CA10: variants seen among roughly 807,000 people sequenced by gnomAD.
CA10 encodes carbonic anhydrase-related protein 10.
In CA10, 14 loss-of-function variants were observed where a neutral mutation model predicts 44.2. The observed-to-expected ratio is 0.32, with a 90% CI of 0.21 to 0.50. The LOEUF (loss-of-function observed/expected upper bound fraction) is 0.50, where lower values mean the gene tolerates loss of function less well. Among genes scored for constraint, CA10 ranks in the 20% least tolerant of loss-of-function variants. The pLI is 0.99. For missense variants in CA10, 350 were observed against 409.7 expected, an observed-to-expected ratio of 0.85 and a Z score of 1.26; for synonymous variants, 159 against 141.6, an observed-to-expected ratio of 1.12 and a Z score of -0.87.
chr17:51,630,393 G>C lies in CA10; in HGVS notation c.*1191C>G, dbSNP rs1912513428. On this transcript the variant is annotated 3_prime_UTR_variant, in exon 9 of 9. Transcript: ENST00000451037. ...TGAGTGACCATTATAAACAAGAAAA[G>C]AAAGGCATTCGTTTTGTACTTTGTG... is the stretch of plus-strand genomic sequence containing the variant. The C allele has an allele frequency of 6.6e-6, 1 of 152,654 alleles. No homozygotes were observed. The highest frequency in any genetic ancestry group is 6.5e-5 in the Admixed American group (1 of 15,276). The allele number at this position is 152,654 out of a possible 1,614,324, so 9.5% of individuals were successfully genotyped here. A position where few individuals can be genotyped will look rare whatever the true frequency, so the allele number is the denominator to read the frequency against.
Position 52,025,921 on chromosome 17 carries a change from G to A in CA10, c.136+46398C>T, listed in dbSNP as rs1986286807. ...AGGATGTATTTCTATGCTTTTTTAT[G>A]TACAAAGAAATATACAAACATAGAA... On this transcript the variant is annotated intron_variant, in intron 2 of 8. Transcript: ENST00000451037. 2.0e-5 allele frequency among the ~76,000 whole-genome samples: 3 copies of A among 151,746 alleles called. No individual in the cohort carries two copies. In the South Asian group the frequency reaches 6.2e-4, roughly 31 times the overall value.
In CA10 at chr17:51,640,506, C is replaced by T. The variant is rs10491153; in HGVS notation, c.635-4497G>A. On this transcript the variant is annotated intron_variant, in intron 6 of 8. Transcript: ENST00000451037. Reference sequence around the variant, plus strand: ...CATTGCTGAGTCAGTGCGCATTTAACGTGTAATGTTTGTTTTCATGACTCA... The same window carrying T: ...CATTGCTGAGTCAGTGCGCATTTAATGTGTAATGTTTGTTTTCATGACTCA... Among the ~76,000 whole-genome samples the T allele has an allele frequency of 6.6e-3, 1,004 of 152,264 alleles. 4 individuals are homozygous for T. The highest frequency in any genetic ancestry group is 0.011 in the Non-Finnish European group (726 of 68,016).
At chr17:51,751,655 G>A (rs1405767011) in intron 3 of CA10, among the ~76,000 whole-genome samples, 2 of 152,162 alleles carry the variant, frequency 1.3e-5, no homozygotes, top group African/African-American at 4.8e-5. Flanking sequence ...CTTGCTAAAT[G>A]TCATAATGAA....
rs575194528 is a variant in CA10 at position 51,829,288 on chromosome 17, T to C, written c.280-81470A>G. ...GCTTCCCTGCAGTTTCCTCCTTTAA[T>C]TTTTAAAATGTTTGAAATCTTTACC... On this transcript the variant is annotated intron_variant, in intron 3 of 8. Transcript: ENST00000451037. Among the ~76,000 whole-genome samples, 19 of 152,328 alleles carry C rather than the reference T, an allele frequency of 1.2e-4. No individual in the cohort carries two copies. The South Asian group carries it at 2.5e-3, about 20-fold the overall frequency.
At chr17:51,805,216 C>G (rs889172694) in intron 3 of CA10, among the ~76,000 whole-genome samples, 2 of 152,194 alleles carry the variant, frequency 1.3e-5, no homozygotes, top group Admixed American at 1.3e-4. Flanking sequence ...TGTTTCTGTG[C>G]CTTAGTGAGG....
intron 1 of CA10, 101 bp downstream of exon 1, chr17:52,157,625 C>T (rs1037906249): frequency 4.8e-5 from 51 of 1,062,774 alleles, no homozygotes; most frequent in Non-Finnish European, 6.5e-5. Flanking sequence ...AGGGTCTCGC[C>T]ACCCCTCTCT....
intron 3 of CA10, among the ~76,000 whole-genome samples, chr17:51,845,472 C>T (rs1268824248): frequency 6.6e-6 from 1 of 152,182 alleles, no homozygotes; most frequent in Non-Finnish European, 1.5e-5. Flanking sequence ...GAGCCAGAAC[C>T]CCAGTGAAGC....
At chr17:51,920,233 G>A (rs755989741) in intron 3 of CA10, among the ~76,000 whole-genome samples, 5 of 152,104 alleles carry the variant, frequency 3.3e-5, no homozygotes, top group Non-Finnish European at 7.3e-5. Flanking sequence ...CATGAAAGTG[G>A]AGAACCAATT....
chr17:51,733,516 C>T (rs1916792080), intron 4 of CA10, among the ~76,000 whole-genome samples: 1 of 152,118 alleles, frequency 6.6e-6, no homozygotes. Flanking sequence ...ATATCACCCT[C>T]CAGCTAGTAA....
At chr17:51,881,028 G>C in intron 3 of CA10, among the ~76,000 whole-genome samples, 1 of 152,036 alleles carries the variant, frequency 6.6e-6, no homozygotes, top group Non-Finnish European at 1.5e-5. Context: ...ATGAGGTCAG[G>C]AGATCGAGAC....
chr17:51,832,003 G>C (rs550195861), intron 3 of CA10, among the ~76,000 whole-genome samples: 26 of 152,324 alleles, frequency 1.7e-4, no homozygotes, highest in Non-Finnish European at 3.2e-4. Flanking sequence ...TCCGCTCCTA[G>C]AAGAGGGAGA....
intron 2 of CA10, among the ~76,000 whole-genome samples, chr17:52,024,512 G>A (rs1245129578): frequency 6.6e-6 from 1 of 151,842 alleles, no homozygotes; most frequent in African/African-American, 2.4e-5. Context: ...AGTGGGGGGT[G>A]GGAGGGGGTA....
At chr17:51,749,407 T>C (rs899570578) in intron 3 of CA10, among the ~76,000 whole-genome samples, 4 of 152,188 alleles carry the variant, frequency 2.6e-5, no homozygotes, top group African/African-American at 9.7e-5. Flanking sequence ...CAAATGAGCC[T>C]GGGCTAGCCT....
At chr17:51,800,546 G>C (rs182839271) in intron 3 of CA10, among the ~76,000 whole-genome samples, 2 of 150,452 alleles carry the variant, frequency 1.3e-5, no homozygotes, top group Admixed American at 1.3e-4. Flanking sequence ...TTCCTTTAAA[G>C]TTACTCAGCA....
chr17:51,818,428 C>T (rs941947609), intron 3 of CA10, among the ~76,000 whole-genome samples: 1 of 152,088 alleles, frequency 6.6e-6, no homozygotes, highest in African/African-American at 2.4e-5. Context: ...TCCTAAATGC[C>T]CTTCCAACGC....
intron 2 of CA10, among the ~76,000 whole-genome samples, chr17:52,033,156 G>T (rs1217357528): frequency 6.6e-6 from 1 of 152,110 alleles, no homozygotes; most frequent in Non-Finnish European, 1.5e-5. Flanking sequence ...TCAGAAGAAT[G>T]TTTCATACAA....
At chr17:52,122,464 TA>T (rs1989033313) in intron 1 of CA10, among the ~76,000 whole-genome samples, 2 of 152,202 alleles carry the variant, frequency 1.3e-5, no homozygotes, top group African/African-American at 4.8e-5. Context: ...TTTGATTTTT[TA>T]AAAATGTTTT....
intron 2 of CA10, among the ~76,000 whole-genome samples, chr17:52,026,017 C>CACAGAAGGAAATAT (rs1986290851): frequency 6.6e-6 from 1 of 151,866 alleles, no homozygotes; most frequent in Admixed American, 6.6e-5. Context: ...TGTGTGTACA[C>CACAGAAGGAAATAT]ATACATGTAC....
intron 3 of CA10, among the ~76,000 whole-genome samples, chr17:51,793,763 T>C (rs572098517): frequency 6.6e-6 from 1 of 152,220 alleles, no homozygotes; most frequent in African/African-American, 2.4e-5. Flanking sequence ...TTCAGACAGA[T>C]GTTTGGTGTT....
Sources: gnomAD v4.1 joint callset for allele counts (sites outside exome capture counted in the v4.1 genomes callset) on GRCh38, gnomAD v4.1.1 for gene constraint, MANE v1.5 for transcripts, NCBI Gene and HGNC (gene_info 2026-07-23, HGNC 2026-07-21) for gene names.